CACTIN: variants seen among roughly 807,000 people sequenced by gnomAD.
CACTIN encodes the protein cactin, spliceosome C complex subunit, also known as splicing factor Cactin.
A neutral mutation model predicts 84.9 loss-of-function variants in CACTIN; 20 were observed. That is an observed-to-expected ratio of 0.24 (90% CI 0.17 to 0.34). CACTIN has a LOEUF of 0.34. CACTIN is among the 10% of genes least tolerant of loss of function. The pLI, the probability that CACTIN is intolerant of heterozygous loss-of-function variation, is 1.00. For missense variants in CACTIN, 897 were observed against 1,117.2 expected, an observed-to-expected ratio of 0.80 and a Z score of 2.81; for synonymous variants, 549 against 467.9, an observed-to-expected ratio of 1.17 and a Z score of -2.24.
At position 3,618,862 on chromosome 19, in the gene CACTIN, T is replaced by C. The variant is rs1292383861; in HGVS notation, c.1162+13A>G. ...GCAGCTCCCCTGGAGCCCAGGCCCATGCCCGCCGTTACCTGGCCCCTTGCC... is the reference window on the plus strand; with the variant it reads ...GCAGCTCCCCTGGAGCCCAGGCCCACGCCCGCCGTTACCTGGCCCCTTGCC... On this transcript the variant is annotated intron_variant, in intron 6 of 9. Coordinates refer to ENST00000429344, the MANE Select transcript of CACTIN (RefSeq NM_001080543.2). 1 of 1,541,760 alleles carries C rather than the reference T, an allele frequency of 6.5e-7. No individual in the cohort carries two copies. The highest frequency in any genetic ancestry group is 8.8e-7 in the Non-Finnish European group (1 of 1,140,372).
intron 9 of CACTIN, 42 bp downstream of exon 9, chr19:3,613,016 G>T: frequency 6.8e-7 from 1 of 1,473,702 alleles, no homozygotes; most frequent in Non-Finnish European, 9.0e-7. Flanking sequence ...CCCCCAGCTC[G>T]CCCCACTGGC....
Position 3,613,352 on chromosome 19 carries a change from C to G in CACTIN, c.1492G>C (p.Asp498His). The stretch of plus-strand genomic sequence containing the variant: ...GGCCCGGGCGGGGTGGGCGCCGCGT[C>G]CTCAGGCTCCAGGCTGGGAGGAGAG... ...QSPSRSLEPEDAAPTPPGPSS... is the reference protein window; with the variant it reads ...QSPSRSLEPEHAAPTPPGPSS... The change falls in exon 9 of 10, where the codon GAC becomes CAC. Residue 498 changes from aspartate to histidine, a missense_variant. This residue lies in a region of CACTIN where 243 missense variants were observed against 239.9 expected (regional missense o/e 1.01). Coordinates refer to ENST00000429344, the MANE Select transcript of CACTIN (RefSeq NM_001080543.2). The G allele has an allele frequency of 6.6e-7, 1 of 1,512,200 alleles. No individual in the cohort carries two copies. The highest frequency in any genetic ancestry group is 8.8e-7 in the Non-Finnish European group (1 of 1,135,916). 93.7% of individuals were successfully genotyped at this position (1,512,200 alleles called of 1,614,324 possible).
Position 3,626,720 on chromosome 19 carries a change from G to A in CACTIN, c.43C>T (p.Arg15Trp), listed in dbSNP as rs1310753565. The A allele has an allele frequency of 2.0e-6, 3 of 1,494,650 alleles. No individual in the cohort carries two copies. Among genetic ancestry groups the A allele is most frequent in the East Asian group, 2.8e-5 (1 of 35,696 alleles). 92.6% of individuals were successfully genotyped at this position (1,494,650 alleles called of 1,614,324 possible). The change falls in exon 1 of 10, where the codon CGG (arginine) becomes TGG (tryptophan). Residue 15 changes from arginine to tryptophan, a missense_variant. Transcript: ENST00000429344. Reference sequence around the variant, plus strand: ...CTCTGACTCTGCCGCCTTCGGCCCCGGCGACCCGCGGACCGCGAGCGCGAG... The same window carrying A: ...CTCTGACTCTGCCGCCTTCGGCCCCAGCGACCCGCGGACCGCGAGCGCGAG... ...TRSRSRSAGRRGRRRQSQSGS... is the reference protein window; with the variant it reads ...TRSRSRSAGRWGRRRQSQSGS...
chr19:3,624,007 G>A lies in CACTIN; in HGVS notation c.323C>T (p.Ser108Leu), dbSNP rs55862054. Residue 108 changes from serine (S) to leucine (L), a missense_variant, in exon 2 of 10, where the codon TCG becomes TTG. This residue lies in a region of CACTIN where 261 missense variants were observed against 243.8 expected (regional missense o/e 1.07). Transcript: ENST00000429344. ...GGATGCTGAGGAGCTAGGAGACCAC[G>A]AGCGTGCGCGCCGTCGCCGGCGAGC... ...QWARRRRRAR[S>L]WSPSSSASSS... 0.08 allele frequency: 128,387 copies of A among 1,605,374 alleles called. 5,605 individuals are homozygous for A. Among genetic ancestry groups the A allele is most frequent in the Non-Finnish European group, 0.093 (109,445 of 1,179,318 alleles).
At position 3,623,896 on chromosome 19, in the gene CACTIN, C is replaced by A; in HGVS notation, c.434G>T (p.Arg145Leu). 1.2e-6 allele frequency: 2 copies of A among 1,606,814 alleles called. No homozygotes were observed. The highest frequency in any genetic ancestry group is 8.5e-7 in the Non-Finnish European group (1 of 1,179,712). ...SQQQSLQERLRLREERKQQEE... is the reference protein window; with the variant it reads ...SQQQSLQERLLLREERKQQEE... ...CTGCTGCTTCCGCTCCTCCCGCAGCCGCAGCCGCTCCTGCAGGCTCTGCTG... is the reference window on the plus strand; with the variant it reads ...CTGCTGCTTCCGCTCCTCCCGCAGCAGCAGCCGCTCCTGCAGGCTCTGCTG... The change falls in exon 2 of 10, where the codon CGG becomes CTG. Residue 145 changes from arginine to leucine, a missense_variant. Around this residue, in one of 8 missense-constraint regions of CACTIN, gnomAD observed 261 missense variants for 243.8 expected, o/e 1.07. Transcript: ENST00000429344.
chr19:3,613,407 C>T (rs749800704), intron 8 of CACTIN, 42 bp from the exon 9 acceptor site: 2 of 1,538,026 alleles, frequency 1.3e-6, no homozygotes, highest in Non-Finnish European at 8.7e-7. Flanking sequence ...CTGCCCACGG[C>T]CCCTCCATCC....
At chr19:3,613,625 G>C in intron 7 of CACTIN, 39 bp from the exon 8 acceptor site, 1 of 1,572,448 alleles carries the variant, frequency 6.4e-7, no homozygotes, top group South Asian at 1.1e-5. Context: ...TGGAGGCGAA[G>C]GGGCTCCGCG....
intron 6 of CACTIN, among the ~76,000 whole-genome samples, chr19:3,618,582 G>A (rs950775350): frequency 6.6e-6 from 1 of 152,330 alleles, no homozygotes; most frequent in South Asian, 2.1e-4. Flanking sequence ...ACTGAAACCT[G>A]AGCGGAAAGC....
intron 2 of CACTIN, among the ~76,000 whole-genome samples, chr19:3,622,881 C>G (rs557964626): frequency 1.2e-3 from 185 of 152,272 alleles, no homozygotes; most frequent in Non-Finnish European, 2.2e-3. Context: ...TCAGGTTGGG[C>G]TGGTGTTCGG....
chr19:3,619,893 C>T (rs1262391789), intron 4 of CACTIN, among the ~76,000 whole-genome samples: 2 of 152,136 alleles, frequency 1.3e-5, no homozygotes, highest in Admixed American at 6.5e-5. Flanking sequence ...GCAGGACTGG[C>T]GTCCAGCATG....
rs1353303043 is a variant in CACTIN at position 3,611,745 on chromosome 19, G to A, written c.*178C>T. On this transcript the variant is annotated 3_prime_UTR_variant, in exon 10 of 10. Transcript: ENST00000429344. ...CTCAGCTCACCATGGCAGGCTCAAT[G>A]GTGACCCCCCTTTTATATAGGAGGA... 1.2e-6 allele frequency: 1 copy of A among 825,220 alleles called. No homozygotes were observed. Among genetic ancestry groups the A allele is most frequent in the Non-Finnish European group, 2.0e-6 (1 of 504,978 alleles). 51.1% of individuals were successfully genotyped at this position (825,220 alleles called of 1,614,324 possible).
At position 3,611,122 on chromosome 19, in the gene CACTIN, G is replaced by A. The variant is rs1482976028; in HGVS notation, c.*801C>T. ...TTCTCCAACCCCCAGCCTTCGGGGA[G>A]CCCCTGCCCTCCAGGCCCTGTGCTC... On this transcript the variant is annotated 3_prime_UTR_variant, in exon 10 of 10. Transcript: ENST00000429344. 2.6e-6 allele frequency: 1 copy of A among 381,888 alleles called. No homozygotes were observed. Among genetic ancestry groups the A allele is most frequent in the East Asian group, 7.3e-5 (1 of 13,764 alleles). 23.7% of individuals were successfully genotyped at this position (381,888 alleles called of 1,614,324 possible). A position where few individuals can be genotyped will look rare whatever the true frequency, so the allele number is the denominator to read the frequency against.
intron 2 of CACTIN, among the ~76,000 whole-genome samples, chr19:3,622,656 A>T (rs992337713): frequency 6.6e-6 from 1 of 151,702 alleles, no homozygotes; most frequent in African/African-American, 2.4e-5. Context: ...CCCCAGAGGG[A>T]GTGGGGTCCT....
chr19:3,622,363 CAAA>C (rs34766613), intron 2 of CACTIN, among the ~76,000 whole-genome samples: 4 of 88,142 alleles, frequency 4.5e-5, no homozygotes, highest in African/African-American at 1.5e-4. Context: ...GACTCCATCT[CAAA>C]AAAAAAAAAA....
At chr19:3,624,602 T>C (rs996835245) in intron 1 of CACTIN, among the ~76,000 whole-genome samples, 3 of 151,716 alleles carry the variant, frequency 2.0e-5, no homozygotes, top group Admixed American at 2.0e-4. Flanking sequence ...AAGGAGGCTG[T>C]ATGGCTGAGA....
chr19:3,616,142 A>T (rs1340697969), intron 6 of CACTIN: 2 of 152,162 alleles, frequency 1.3e-5, no homozygotes, highest in African/African-American at 4.8e-5. Context: ...CTGGGGGTGC[A>T]GGCCAAGGGC....
Position 3,620,003 on chromosome 19 carries a change from G to A in CACTIN, c.884+124C>T, listed in dbSNP as rs1000556981. 2.0e-5 allele frequency: 23 copies of A among 1,160,574 alleles called. No individual in the cohort carries two copies. In the African/African-American group the frequency reaches 3.0e-4, roughly 15 times the overall value. The allele number at this position is 1,160,574 out of a possible 1,614,324, so 71.9% of individuals were successfully genotyped here. On this transcript the variant is annotated intron_variant, in intron 4 of 9. Transcript: ENST00000429344. ...GCCGCCCGGGAAGGGGTCAGGAAGG[G>A]AAGGTCCCAGGAAGTGCCGTGTGGG...
chr19:3,614,600 G>T lies in CACTIN; in HGVS notation c.1163-11C>A. On this transcript the variant is annotated splice_polypyrimidine_tract_variant and intron_variant, in intron 6 of 9. Transcript: ENST00000429344. ...CCTCGCGGCGCTCACCTGCAGCGGG[G>T]TGGGGGCATGGGGGGGCGGTTCCAC... 6.3e-7 allele frequency: 1 copy of T among 1,589,742 alleles called. No individual in the cohort carries two copies. Among genetic ancestry groups the T allele is most frequent in the Non-Finnish European group, 8.6e-7 (1 of 1,168,794 alleles).
chr19:3,620,325 C>CA (rs1555710869), intron 3 of CACTIN, 53 bp from the exon 4 acceptor site: 1 of 1,526,386 alleles, frequency 6.6e-7, no homozygotes, highest in Non-Finnish European at 8.8e-7. Context: ...TGCAGGGCTG[C>CA]GGGGGGAGGG....
Sources: allele counts gnomAD v4.1 joint callset (sites outside exome capture counted in the v4.1 genomes callset), GRCh38; gene constraint gnomAD v4.1.1; regional missense constraint gnomAD v4.1.1; transcripts MANE v1.5; gene names NCBI Gene and HGNC (gene_info 2026-07-23, HGNC 2026-07-21).